The following CHRM3 variants were observed in gnomAD, a reference collection of about 807,000 sequenced individuals.
CHRM3 encodes cholinergic receptor muscarinic 3, also known as muscarinic acetylcholine receptor M3.
Under a neutral mutation model 41.8 loss-of-function variants are expected in CHRM3, and 11 were observed. The observed-to-expected ratio is 0.26, with a 90% CI of 0.17 to 0.44. The LOEUF (loss-of-function observed/expected upper bound fraction) is 0.44, where lower values mean the gene tolerates loss of function less well. CHRM3 is among the 20% of genes least tolerant of loss of function. CHRM3 has a pLI of 1.00. For synonymous variants in CHRM3, 297 were observed against 301.4 expected, an observed-to-expected ratio of 0.99 and a Z score of 0.15; for missense variants, 571 against 745.4, an observed-to-expected ratio of 0.77 and a Z score of 2.72.
intron 5 of CHRM3, among the ~76,000 whole-genome samples, chr1:239,806,278 C>T (rs939942109): frequency 5.9e-5 from 9 of 152,174 alleles, no homozygotes; most frequent in African/African-American, 2.2e-4. Context: ...GCTTGTGAAG[C>T]CACTTGCACT....
intron 4 of CHRM3, among the ~76,000 whole-genome samples, chr1:239,639,576 G>T (rs1421550631): frequency 1.3e-5 from 2 of 151,474 alleles, no homozygotes; most frequent in Admixed American, 6.6e-5. Flanking sequence ...TCTGTTATTG[G>T]TGTATAAGAA....
At chr1:239,868,193 G>T (rs540548) in intron 6 of CHRM3, among the ~76,000 whole-genome samples, 124,196 of 152,230 alleles carry the variant, frequency 0.82, 56,458 homozygotes, top group East Asian at 1. Context: ...ACACCCTTGG[G>T]TGCTTTCAGA....
Position 239,531,639 on chromosome 1 carries a change from A to ATTTTT in CHRM3, c.-421-13969_-421-13965dup, listed in dbSNP as rs58433814. Among the ~76,000 whole-genome samples, 73 of 55,898 alleles carry ATTTTT rather than the reference A, an allele frequency of 1.3e-3. 21 individuals carry two copies. Among genetic ancestry groups the ATTTTT allele is most frequent in the African/African-American group, 4.4e-3 (50 of 11,330 alleles). 36.7% of individuals were successfully genotyped at this position (55,898 alleles called of 152,430 possible). ...ATAAAAACTAATCTCTCTAGAATGG[A>ATTTTT]TTTTTTTTTTTTTTTTTTTTTTTTT... On this transcript the variant is annotated intron_variant, in intron 2 of 6. Transcript: ENST00000676153.
intron 3 of CHRM3, among the ~76,000 whole-genome samples, chr1:239,553,479 G>C (rs948759458): frequency 3.9e-5 from 6 of 152,010 alleles, no homozygotes; most frequent in Non-Finnish European, 8.8e-5. Context: ...CCATTTTTAA[G>C]ATTGAAAATT....
intron 5 of CHRM3, chr1:239,704,771 G>A (rs1027764857): frequency 2.0e-5 from 3 of 152,176 alleles, no homozygotes; most frequent in Admixed American, 1.3e-4. Flanking sequence ...TACAAATAGA[G>A]CTAGAGGGAG....
rs540862094 is a variant in CHRM3, at chr1:239,404,742, A to G, written c.-521+17515A>G. On this transcript the variant is annotated intron_variant, in intron 1 of 6. Coordinates refer to ENST00000676153, the MANE Select transcript of CHRM3 (RefSeq NM_001375978.1). Reference sequence around the variant, plus strand: ...TAAATATATATATATATATATATATATATATATATATATATGGAAAATATG... The same window carrying G: ...TAAATATATATATATATATATATATGTATATATATATATATGGAAAATATG... 3.0e-3 allele frequency among the ~76,000 whole-genome samples: 435 copies of G among 144,158 alleles called. 6 individuals are homozygous for G. Among genetic ancestry groups the G allele is most frequent in the African/African-American group, 0.01 (416 of 39,834 alleles). The allele number at this position is 144,158 out of a possible 152,430, so 94.6% of individuals were successfully genotyped here.
At chr1:239,576,121 A>G (rs2148561646) in intron 3 of CHRM3, among the ~76,000 whole-genome samples, 1 of 152,238 alleles carries the variant, frequency 6.6e-6, no homozygotes, top group East Asian at 1.9e-4. Flanking sequence ...CTCAAGCTTC[A>G]TCCATGTTGT....
chr1:239,738,581 T>A (rs1014457987), intron 5 of CHRM3, among the ~76,000 whole-genome samples: 2 of 152,066 alleles, frequency 1.3e-5, no homozygotes, highest in Non-Finnish European at 2.9e-5. Context: ...TCCTCTTGAG[T>A]AGATGCATGT....
At chr1:239,571,942 C>T (rs1661868091) in intron 3 of CHRM3, among the ~76,000 whole-genome samples, 1 of 152,168 alleles carries the variant, frequency 6.6e-6, no homozygotes. Flanking sequence ...TTTTCCCAAG[C>T]CCTGGCTCAG....
In CHRM3 at chr1:239,909,355, G is replaced by T. The variant is rs200169721; in HGVS notation, c.*131G>T. 9 of 862,934 alleles carry T rather than the reference G, an allele frequency of 1.0e-5. No homozygotes were observed. In the South Asian group the frequency reaches 1.7e-4, roughly 17 times the overall value. 53.5% of individuals were successfully genotyped at this position (862,934 alleles called of 1,614,324 possible). ...TTATCACCCAGATGTGAAAGAAGCTGCCTGTTTACTGATCCATTGAATAAA... is the reference window on the plus strand; with the variant it reads ...TTATCACCCAGATGTGAAAGAAGCTTCCTGTTTACTGATCCATTGAATAAA... On this transcript the variant is annotated 3_prime_UTR_variant, in exon 7 of 7. Coordinates refer to ENST00000676153, the MANE Select transcript of CHRM3 (RefSeq NM_001375978.1).
chr1:239,724,889 C>T (rs535743456), intron 5 of CHRM3, among the ~76,000 whole-genome samples: 2 of 151,966 alleles, frequency 1.3e-5, no homozygotes, highest in East Asian at 2.0e-4. Flanking sequence ...CCAGTTCAAG[C>T]GGTCCTCCTG....
intron 6 of CHRM3, among the ~76,000 whole-genome samples, chr1:239,860,630 T>C (rs1675559316): frequency 6.6e-6 from 1 of 152,216 alleles, no homozygotes; most frequent in South Asian, 2.1e-4. Flanking sequence ...CTGAATGTAA[T>C]TTCATGCAGT....
chr1:239,430,477 G>C (rs1049390561), intron 1 of CHRM3, among the ~76,000 whole-genome samples: 5 of 152,000 alleles, frequency 3.3e-5, no homozygotes, highest in Non-Finnish European at 5.9e-5. Flanking sequence ...GTTTTTGTGT[G>C]ACCACTAGAT....
At chr1:239,482,295 T>C (rs1395097863) in intron 1 of CHRM3, among the ~76,000 whole-genome samples, 1 of 152,160 alleles carries the variant, frequency 6.6e-6, no homozygotes, top group Non-Finnish European at 1.5e-5. Context: ...CATGACTTTT[T>C]TTTGAAACTT....
chr1:239,881,367 C>T (rs939410209), intron 6 of CHRM3, among the ~76,000 whole-genome samples: 1 of 149,618 alleles, frequency 6.7e-6, no homozygotes, highest in African/African-American at 2.5e-5. Flanking sequence ...CACCAGCTGG[C>T]CTCACAAGAG....
At chr1:239,530,192 C>T (rs1044941524) in intron 2 of CHRM3, among the ~76,000 whole-genome samples, 2 of 152,092 alleles carry the variant, frequency 1.3e-5, no homozygotes, top group African/African-American at 4.8e-5. Context: ...CGTGAGCCAC[C>T]GTGCCCGGCC....
At chr1:239,746,435 C>T (rs569895402) in intron 5 of CHRM3, among the ~76,000 whole-genome samples, 2 of 152,226 alleles carry the variant, frequency 1.3e-5, no homozygotes, top group African/African-American at 4.8e-5. Context: ...CAAATATTCT[C>T]CAAAGTGATT....
chr1:239,556,141 T>C (rs1194322251), intron 3 of CHRM3, among the ~76,000 whole-genome samples: 3 of 152,272 alleles, frequency 2.0e-5, no homozygotes, highest in South Asian at 2.1e-4. Context: ...AAATATTTTC[T>C]TTTCTTTCCA....
At position 239,660,978 on chromosome 1, in the gene CHRM3, A is replaced by C. The variant is rs756337821; in HGVS notation, c.-249-17208A>C. ...TGCATTATTTCATTTACTTCTCATGATTACCCAGTGAGATAGATATTACTG... is the reference window on the plus strand; with the variant it reads ...TGCATTATTTCATTTACTTCTCATGCTTACCCAGTGAGATAGATATTACTG... On this transcript the variant is annotated intron_variant, in intron 4 of 6. Transcript: ENST00000676153. Among the ~76,000 whole-genome samples the C allele has an allele frequency of 2.6e-4, 40 of 152,140 alleles. 1 individual carries two copies. Among genetic ancestry groups the C allele is most frequent in the Non-Finnish European group, 5.0e-4 (34 of 68,024 alleles).
Sources: allele counts gnomAD v4.1 joint callset (sites outside exome capture counted in the v4.1 genomes callset), GRCh38; gene constraint gnomAD v4.1.1; transcripts MANE v1.5; gene names NCBI Gene and HGNC (gene_info 2026-07-23, HGNC 2026-07-21).